DLGAP2: variants seen among roughly 807,000 people sequenced by gnomAD.
DLGAP2 encodes DLG associated protein 2.
DLGAP2 carries 26 observed loss-of-function variants against 100.3 expected under a neutral mutation model. The ratio of observed to expected loss-of-function variants is 0.26; its 90% CI spans 0.19 to 0.36. The LOEUF is 0.36. Ranked by LOEUF, DLGAP2 falls within the 10% of genes least tolerant of loss-of-function variation. DLGAP2 has a pLI of 1.00. For missense variants in DLGAP2, 1,858 were observed against 1,453.2 expected, an observed-to-expected ratio of 1.28 and a Z score of -4.53; for synonymous variants, 886 against 630.1, an observed-to-expected ratio of 1.41 and a Z score of -6.08.
At chr8:1,670,604 TG>T (rs942492427) in intron 10 of DLGAP2, among the ~76,000 whole-genome samples, 1 of 152,062 alleles carries the variant, frequency 6.6e-6, no homozygotes, top group Admixed American at 6.5e-5. Context: ...AGTGGACGGA[TG>T]GGTCGCTGGG....
chr8:1,429,780 C>T (rs1158656501), intron 3 of DLGAP2, among the ~76,000 whole-genome samples: 1 of 151,218 alleles, frequency 6.6e-6, no homozygotes, highest in African/African-American at 2.4e-5. Context: ...ATATTCAGTG[C>T]ATGCTTCACA....
chr8:1,462,726 C>G lies in DLGAP2; in HGVS notation c.107-38640C>G, dbSNP rs79858684. 1.5e-3 allele frequency among the ~76,000 whole-genome samples: 236 copies of G among 152,322 alleles called. No homozygotes were observed. The East Asian group carries it at 0.03, about 19-fold the overall frequency. On this transcript the variant is annotated intron_variant, in intron 3 of 14. Coordinates refer to ENST00000637795, the MANE Select transcript of DLGAP2 (RefSeq NM_001346810.2). ...GGGGAAGGGACCAGGAATGTACCATCTCAGGCCCAGGGAGCCACGTCCCCC... is the reference window on the plus strand; with the variant it reads ...GGGGAAGGGACCAGGAATGTACCATGTCAGGCCCAGGGAGCCACGTCCCCC...
chr8:1,344,181 C>T (rs1476064026), intron 3 of DLGAP2, among the ~76,000 whole-genome samples: 1 of 151,384 alleles, frequency 6.6e-6, no homozygotes, highest in Non-Finnish European at 1.5e-5. Context: ...GGGGCGCTGT[C>T]GTGGGTCCGT....
chr8:820,052 T>C (rs905124962), intron 1 of DLGAP2, among the ~76,000 whole-genome samples: 1 of 152,224 alleles, frequency 6.6e-6, no homozygotes, highest in African/African-American at 2.4e-5. Context: ...ACACTAGTGC[T>C]GTAGGAGATA....
intron 2 of DLGAP2, among the ~76,000 whole-genome samples, chr8:920,563 C>T (rs1420898517): frequency 6.6e-6 from 1 of 152,026 alleles, no homozygotes; most frequent in Non-Finnish European, 1.5e-5. Context: ...TGAGACCAGC[C>T]TGGGCAACAT....
rs551107980 is a variant in DLGAP2, at chr8:1,048,586, A to G, written c.73+140620A>G. 1.1e-4 allele frequency among the ~76,000 whole-genome samples: 17 copies of G among 151,722 alleles called. No individual in the cohort carries two copies. The South Asian group carries it at 2.3e-3, about 20-fold the overall frequency. On this transcript the variant is annotated intron_variant, in intron 2 of 14. Transcript: ENST00000637795. ...AATGATGTTTAACTAGCAAAGTACA[A>G]TGGTGAATACTTGGTGTGTTTCCTT...
chr8:1,685,239 G>T (rs2130866911), intron 12 of DLGAP2, among the ~76,000 whole-genome samples: 1 of 152,334 alleles, frequency 6.6e-6, no homozygotes, highest in Admixed American at 6.5e-5. Flanking sequence ...CAGAACACAT[G>T]CTCCATGCAG....
intron 2 of DLGAP2, among the ~76,000 whole-genome samples, chr8:1,168,091 C>A (rs1236022369): frequency 2.2e-5 from 3 of 135,424 alleles, no homozygotes; most frequent in Admixed American, 1.7e-4. Flanking sequence ...TCCACGTGTT[C>A]TCATTGTTCA....
chr8:1,366,532 G>A (rs959483907), intron 3 of DLGAP2, among the ~76,000 whole-genome samples: 3 of 152,314 alleles, frequency 2.0e-5, no homozygotes, highest in East Asian at 1.9e-4. Flanking sequence ...GATGTTCAGC[G>A]GCTGACCTGG....
chr8:1,234,284 C>G (rs1366665708), intron 2 of DLGAP2, among the ~76,000 whole-genome samples: 3 of 152,160 alleles, frequency 2.0e-5, no homozygotes. Context: ...CTCTGGAGGC[C>G]ACGGGTCTGA....
rs554881650 is a variant in DLGAP2, at chr8:1,532,871, C to A, written c.173-15755C>A. ...CTCTTCCTAGGAGAGGAATACAAGTCCAGCCTAACTTTTTAAAGTCCTCAT... is the reference window on the plus strand; with the variant it reads ...CTCTTCCTAGGAGAGGAATACAAGTACAGCCTAACTTTTTAAAGTCCTCAT... On this transcript the variant is annotated intron_variant, in intron 4 of 14. Transcript: ENST00000637795. Among the ~76,000 whole-genome samples the A allele has an allele frequency of 4.6e-4, 70 of 152,236 alleles. No individual in the cohort carries two copies. The South Asian group carries it at 7.1e-3, about 15-fold the overall frequency.
At chr8:1,531,047 C>G (rs6995487) in intron 4 of DLGAP2, among the ~76,000 whole-genome samples, 28,229 of 152,118 alleles carry the variant, frequency 0.19, 2,850 homozygotes, top group African/African-American at 0.26. Flanking sequence ...CCAATGTTTT[C>G]TGTTTAATAA....
chr8:1,099,849 G>A (rs1804517653), intron 2 of DLGAP2, among the ~76,000 whole-genome samples: 1 of 152,168 alleles, frequency 6.6e-6, no homozygotes, highest in Non-Finnish European at 1.5e-5. Flanking sequence ...AATATCCATA[G>A]ACATGCATTC....
chr8:982,262 G>A (rs1326141846), intron 2 of DLGAP2, among the ~76,000 whole-genome samples: 1 of 152,248 alleles, frequency 6.6e-6, no homozygotes, highest in Non-Finnish European at 1.5e-5. Context: ...GTTAATGGAT[G>A]AATGCACATG....
At chr8:1,408,536 C>A (rs866001975) in intron 3 of DLGAP2, among the ~76,000 whole-genome samples, 1 of 152,230 alleles carries the variant, frequency 6.6e-6, no homozygotes, top group Non-Finnish European at 1.5e-5. Context: ...CTGCTCTCCA[C>A]TGGGACTCCA....
At chr8:982,631 A>G (rs954796758) in intron 2 of DLGAP2, among the ~76,000 whole-genome samples, 1 of 152,230 alleles carries the variant, frequency 6.6e-6, no homozygotes, top group African/African-American at 2.4e-5. Context: ...TTGCTATAAA[A>G]TAAAATTCTT....
At chr8:857,067 G>A (rs189066940) in intron 1 of DLGAP2, among the ~76,000 whole-genome samples, 126 of 152,292 alleles carry the variant, frequency 8.3e-4, no homozygotes, top group Non-Finnish European at 1.5e-3. Flanking sequence ...ACAGACCCAC[G>A]TAAATACAGC....
intron 2 of DLGAP2, among the ~76,000 whole-genome samples, chr8:1,081,523 T>G (rs1225239548): frequency 6.6e-6 from 1 of 152,156 alleles, no homozygotes; most frequent in East Asian, 1.9e-4. Context: ...AGCTAAATTT[T>G]GTACTTGCAG....
chr8:1,171,692 A>G (rs938494977), intron 2 of DLGAP2, among the ~76,000 whole-genome samples: 2 of 152,044 alleles, frequency 1.3e-5, no homozygotes, highest in African/African-American at 4.8e-5. Flanking sequence ...TTTATCAGAG[A>G]CTAGGATTGC....
Sources: gnomAD v4.1 joint callset for allele counts (sites outside exome capture counted in the v4.1 genomes callset) on GRCh38, gnomAD v4.1.1 for gene constraint, MANE v1.5 for transcripts, NCBI Gene and HGNC (gene_info 2026-07-23, HGNC 2026-07-21) for gene names.